The following ANKRD31 variants were observed in gnomAD, a reference collection of about 807,000 sequenced individuals.
The protein encoded by ANKRD31 is ankyrin repeat domain-containing protein 31.
In ANKRD31, 147 loss-of-function variants were observed where a neutral mutation model predicts 186.0. The ratio of observed to expected loss-of-function variants is 0.79; its 90% confidence interval spans 0.69 to 0.91. ANKRD31 has a LOEUF of 0.91. ANKRD31 is among the 40% of genes least tolerant of loss of function. ANKRD31 has a pLI of 0.00. For synonymous variants in ANKRD31, 673 were observed against 736.4 expected (o/e 0.91, Z 1.39); for missense variants, 1,986 against 2,148.8 (o/e 0.92, Z 1.50).
chr5:75,208,624 A>C (rs1431655421), intron 4 of ANKRD31, among the ~76,000 whole-genome samples: 1 of 152,226 alleles, frequency 6.6e-6, no homozygotes, highest in East Asian at 1.9e-4. Flanking sequence ...GTGACAGGAC[A>C]CTATGTCCAG....
chr5:75,140,507 A>G (rs979030408), intron 15 of ANKRD31, among the ~76,000 whole-genome samples: 1 of 152,214 alleles, frequency 6.6e-6, no homozygotes, highest in Non-Finnish European at 1.5e-5. Context: ...TGGAGGACAG[A>G]CTAAAATGGC....
At chr5:75,102,688 G>A (rs557079695) in intron 22 of ANKRD31, among the ~76,000 whole-genome samples, 1 of 152,338 alleles carries the variant, frequency 6.6e-6, no homozygotes, top group Admixed American at 6.5e-5. Flanking sequence ...AGACTGCTGT[G>A]TTAGCAGTGA....
chr5:75,222,492 T>TG (rs1757364697), intron 2 of ANKRD31, 134 bp from the exon 3 acceptor site: 1 of 626,030 alleles, frequency 1.6e-6, no homozygotes, highest in Non-Finnish European at 2.6e-6. Context: ...TCATTTCTTC[T>TG]AAAAAAAAAC....
intron 17 of ANKRD31, among the ~76,000 whole-genome samples, chr5:75,129,397 A>G (rs1749551135): frequency 6.6e-6 from 1 of 152,224 alleles, no homozygotes; most frequent in South Asian, 2.1e-4. Flanking sequence ...CACATCGGAC[A>G]TTAGCTCACC....
chr5:75,112,637 G>T, intron 19 of ANKRD31, 37 bp from the exon 20 acceptor site: 1 of 1,288,958 alleles, frequency 7.8e-7, no homozygotes. Flanking sequence ...CATTATAAAG[G>T]GGTAGATATG....
At chr5:75,201,199 A>C (rs1755803425) in intron 5 of ANKRD31, among the ~76,000 whole-genome samples, 1 of 152,160 alleles carries the variant, frequency 6.6e-6, no homozygotes, top group Non-Finnish European at 1.5e-5. Flanking sequence ...CCCTCGCTTC[A>C]TCTTTGCAAT....
chr5:75,172,639 A>G (rs1753431948), intron 10 of ANKRD31, among the ~76,000 whole-genome samples: 1 of 152,218 alleles, frequency 6.6e-6, no homozygotes, highest in Admixed American at 6.5e-5. Flanking sequence ...AAAATCTAGA[A>G]GAAATGTATA....
intron 25 of ANKRD31, among the ~76,000 whole-genome samples, chr5:75,070,834 T>C (rs958139179): frequency 6.6e-6 from 1 of 152,242 alleles, no homozygotes; most frequent in Non-Finnish European, 1.5e-5. Flanking sequence ...GGATCATGCC[T>C]GTAATCCCAG....
At chr5:75,231,248 A>T (rs1253034900) in intron 1 of ANKRD31, among the ~76,000 whole-genome samples, 2 of 144,446 alleles carry the variant, frequency 1.4e-5, no homozygotes, top group South Asian at 2.2e-4. Context: ...TTTTTAATTA[A>T]TTTTTTTTTT....
intron 3 of ANKRD31, among the ~76,000 whole-genome samples, chr5:75,221,204 GA>G (rs199579323): frequency 1.4e-5 from 2 of 146,844 alleles, no homozygotes; most frequent in South Asian, 2.1e-4. Flanking sequence ...AAAAGGTTCA[GA>G]AAAAAAAAAC....
intron 7 of ANKRD31, among the ~76,000 whole-genome samples, chr5:75,194,157 G>A (rs1755302038): frequency 1.3e-5 from 2 of 152,064 alleles, no homozygotes; most frequent in African/African-American, 4.8e-5. Context: ...CCTTTCTTCA[G>A]CTTACTTACA....
At chr5:75,149,551 G>A (rs1276650405) in intron 12 of ANKRD31, among the ~76,000 whole-genome samples, 5 of 151,842 alleles carry the variant, frequency 3.3e-5, no homozygotes, top group African/African-American at 1.2e-4. Flanking sequence ...GCAAAAAGGT[G>A]CTATTCCTTT....
intron 11 of ANKRD31, among the ~76,000 whole-genome samples, chr5:75,163,910 C>G (rs1351923491): frequency 6.6e-6 from 1 of 152,198 alleles, no homozygotes; most frequent in African/African-American, 2.4e-5. Flanking sequence ...TAAAATATGT[C>G]TGTAAATTTA....
At chr5:75,196,263 A>G in intron 6 of ANKRD31, 63 bp from the exon 7 acceptor site, 1 of 1,244,498 alleles carries the variant, frequency 8.0e-7, no homozygotes, top group Non-Finnish European at 1.0e-6. Flanking sequence ...TAAAATGAAA[A>G]CTTTATAGTT....
At chr5:75,210,094 C>A (rs1283665216) in intron 4 of ANKRD31, among the ~76,000 whole-genome samples, 2 of 152,208 alleles carry the variant, frequency 1.3e-5, no homozygotes, top group African/African-American at 4.8e-5. Flanking sequence ...ACAGACCATA[C>A]TTTGAGAATC....
chr5:75,216,249 A>G (rs549706355), intron 3 of ANKRD31, among the ~76,000 whole-genome samples: 2 of 152,160 alleles, frequency 1.3e-5, no homozygotes, highest in African/African-American at 4.8e-5. Context: ...TTCCAAGCTG[A>G]CTGAATATTA....
intron 17 of ANKRD31, among the ~76,000 whole-genome samples, chr5:75,121,180 T>TC (rs1554074365): frequency 0.027 from 3,357 of 124,458 alleles, 130 homozygotes; most frequent in African/African-American, 0.091. Flanking sequence ...AGACTCTATA[T>TC]AAAAAAAAAA....
chr5:75,134,240 A>G (rs5913831), intron 17 of ANKRD31, among the ~76,000 whole-genome samples: 2 of 152,180 alleles, frequency 1.3e-5, no homozygotes, highest in Non-Finnish European at 2.9e-5. Flanking sequence ...GTTTTTTGAA[A>G]GCATCAACAA....
chr5:75,117,899 T>C (rs1748427099), intron 18 of ANKRD31, among the ~76,000 whole-genome samples: 2 of 152,160 alleles, frequency 1.3e-5, no homozygotes, highest in Non-Finnish European at 2.9e-5. Flanking sequence ...GTTTGCTTGA[T>C]GAATGCTATA....
Sources: allele counts gnomAD v4.1 joint callset (sites outside exome capture counted in the v4.1 genomes callset), GRCh38; gene constraint gnomAD v4.1.1; transcripts MANE v1.5; gene names NCBI Gene and HGNC (gene_info 2026-07-23, HGNC 2026-07-21).